The following NRXN1 variants were observed in gnomAD, a reference collection of about 807,000 sequenced individuals.
The protein encoded by NRXN1 is neurexin 1, also known as neurexin-1.
Under a neutral mutation model 150.9 loss-of-function variants are expected in NRXN1, and 39 were observed. The ratio of observed to expected loss-of-function variants is 0.26; its 90% CI spans 0.20 to 0.34. The LOEUF (loss-of-function observed/expected upper bound fraction) is 0.34. NRXN1 is among the 10% of genes least tolerant of loss of function. NRXN1 has a pLI of 1.00. For synonymous variants in NRXN1, 924 were observed against 757.0 expected (o/e 1.22, Z -3.62); for missense variants, 1,815 against 1,949.9 (o/e 0.93, Z 1.30).
At chr2:49,967,972 T>C (rs752869800) in intron 21 of NRXN1, among the ~76,000 whole-genome samples, 9 of 152,070 alleles carry the variant, frequency 5.9e-5, no homozygotes, top group Non-Finnish European at 1.0e-4. Flanking sequence ...TTCTTCACCA[T>C]ATTTTAAGCT....
chr2:50,400,601 G>A (rs1235565451), intron 17 of NRXN1, among the ~76,000 whole-genome samples: 1 of 152,110 alleles, frequency 6.6e-6, no homozygotes, highest in African/African-American at 2.4e-5. Context: ...GTTTCCAGGT[G>A]AAAGGACATT....
intron 5 of NRXN1, among the ~76,000 whole-genome samples, chr2:50,901,931 G>A (rs72823560): frequency 0.041 from 6,232 of 152,272 alleles, 299 homozygotes; most frequent in East Asian, 0.25. Context: ...ACACTAAGGA[G>A]TTAAATAACC....
At chr2:50,543,899 G>A (rs1337691049) in intron 9 of NRXN1, among the ~76,000 whole-genome samples, 1 of 151,932 alleles carries the variant, frequency 6.6e-6, no homozygotes, top group Non-Finnish European at 1.5e-5. Flanking sequence ...GCTGTAATAG[G>A]GAACCCTTTT....
At chr2:50,565,629 A>G (rs189424366) in intron 8 of NRXN1, among the ~76,000 whole-genome samples, 1 of 152,346 alleles carries the variant, frequency 6.6e-6, no homozygotes, top group African/African-American at 2.4e-5. Context: ...CAATAGGATG[A>G]GAAAAAACAA....
chr2:50,408,608 C>G (rs1203264473), intron 17 of NRXN1, among the ~76,000 whole-genome samples: 1 of 152,156 alleles, frequency 6.6e-6, no homozygotes, highest in Non-Finnish European at 1.5e-5. Context: ...GCAATAGACT[C>G]CAAATTTCGA....
chr2:51,020,885 T>C (rs1669497567), intron 2 of NRXN1, among the ~76,000 whole-genome samples: 1 of 151,994 alleles, frequency 6.6e-6, no homozygotes. Context: ...AGTATTCAAG[T>C]AGAACTACAT....
At chr2:50,884,240 G>A (rs1679889317) in intron 5 of NRXN1, among the ~76,000 whole-genome samples, 1 of 151,634 alleles carries the variant, frequency 6.6e-6, no homozygotes, top group South Asian at 2.1e-4. Flanking sequence ...AGATATAAAT[G>A]GACATATTGT....
intron 21 of NRXN1, among the ~76,000 whole-genome samples, chr2:49,973,522 C>T (rs1374683476): frequency 1.3e-5 from 2 of 152,078 alleles, no homozygotes; most frequent in African/African-American, 4.8e-5. Flanking sequence ...TTCAGCAAGT[C>T]ATTAACAATA....
chr2:50,904,428 A>T (rs1683377246), intron 5 of NRXN1, among the ~76,000 whole-genome samples: 1 of 152,116 alleles, frequency 6.6e-6, no homozygotes, highest in Non-Finnish European at 1.5e-5. Context: ...CCAAGTTCAT[A>T]TTTGGGAACA....
intron 5 of NRXN1, among the ~76,000 whole-genome samples, chr2:50,771,268 C>T (rs144834047): frequency 0.011 from 1,741 of 152,124 alleles, 36 homozygotes; most frequent in African/African-American, 0.04. Context: ...TATATATTAC[C>T]GTCAGGATTA....
intron 5 of NRXN1, among the ~76,000 whole-genome samples, chr2:50,819,349 T>C (rs1559307872): frequency 6.6e-6 from 1 of 152,144 alleles, no homozygotes; most frequent in Non-Finnish European, 1.5e-5. Context: ...TATTCTTCCT[T>C]AGAGAAATAG....
intron 5 of NRXN1, among the ~76,000 whole-genome samples, chr2:50,686,515 C>T (rs1691253629): frequency 6.6e-6 from 1 of 152,064 alleles, no homozygotes; most frequent in African/African-American, 2.4e-5. Context: ...GGCCTTCTGC[C>T]CATCTGCAAA....
At chr2:50,563,915 C>T (rs899520586) in intron 8 of NRXN1, among the ~76,000 whole-genome samples, 1 of 152,038 alleles carries the variant, frequency 6.6e-6, no homozygotes, top group African/African-American at 2.4e-5. Flanking sequence ...AGCCTGCAAA[C>T]GAAACAGGAA....
intron 17 of NRXN1, among the ~76,000 whole-genome samples, chr2:50,259,701 T>G (rs1231664842): frequency 6.6e-6 from 1 of 151,906 alleles, no homozygotes; most frequent in African/African-American, 2.4e-5. Flanking sequence ...ACACATGAAT[T>G]GGCTTTATCT....
chr2:50,642,483 G>A (rs778792489), intron 5 of NRXN1, among the ~76,000 whole-genome samples: 11 of 151,788 alleles, frequency 7.2e-5, no homozygotes, highest in East Asian at 1.9e-4. Context: ...AATTTGACTC[G>A]ATCTAAGGTG....
intron 18 of NRXN1, among the ~76,000 whole-genome samples, chr2:50,218,840 A>G (rs1407333710): frequency 6.6e-6 from 1 of 152,072 alleles, no homozygotes; most frequent in Non-Finnish European, 1.5e-5. Flanking sequence ...ATAATTTAAG[A>G]TTCTATGGAT....
chr2:50,486,290 T>C lies in NRXN1; in HGVS notation c.3070+9615A>G, dbSNP rs377308832. Among the ~76,000 whole-genome samples the C allele has an allele frequency of 1.1e-3, 168 of 152,178 alleles. 3 individuals are homozygous for C. In the South Asian group the frequency reaches 0.033, roughly 30 times the overall value. ...AGGATGATGGTGACAATAACGAAGGTAATTTATTATATCTTTGAACAGAGA... is the reference window on the plus strand; with the variant it reads ...AGGATGATGGTGACAATAACGAAGGCAATTTATTATATCTTTGAACAGAGA... On this transcript the variant is annotated intron_variant, in intron 15 of 22. Coordinates refer to ENST00000401669, the MANE Select transcript of NRXN1 (RefSeq NM_001330078.2).
chr2:49,977,839 T>G (rs1037019389), intron 21 of NRXN1, among the ~76,000 whole-genome samples: 4 of 152,202 alleles, frequency 2.6e-5, no homozygotes, highest in Admixed American at 2.6e-4. Flanking sequence ...GAAGTCTTTA[T>G]TGCTCTGCAT....
Position 50,706,351 on chromosome 2 carries a change from C to T in NRXN1, c.833-82736G>A, listed in dbSNP as rs148587749. On this transcript the variant is annotated intron_variant, in intron 5 of 22. Transcript: ENST00000401669. ...GACGGTTAAGACAATAATCACATCA[C>T]GCATGAGATACATTCTAGTATATTT... Among the ~76,000 whole-genome samples, 75 of 152,254 alleles carry T rather than the reference C, an allele frequency of 4.9e-4. No homozygotes were observed. The East Asian group carries it at 0.013, about 27-fold the overall frequency.
Sources: allele counts gnomAD v4.1 joint callset (sites outside exome capture counted in the v4.1 genomes callset), GRCh38; gene constraint gnomAD v4.1.1; transcripts MANE v1.5; gene names NCBI Gene and HGNC (gene_info 2026-07-23, HGNC 2026-07-21).